Variants in PPM1H observed in about 807,000 individuals in gnomAD.
PPM1H encodes protein phosphatase 1H.
PPM1H carries 27 observed loss-of-function variants against 54.9 expected under a neutral mutation model. The observed-to-expected ratio is 0.49, with a 90% CI of 0.36 to 0.68. The LOEUF is 0.68. Among genes scored for constraint, PPM1H ranks in the 30% least tolerant of loss-of-function variants. PPM1H has a pLI of 0.00. For synonymous variants in PPM1H, 305 were observed against 270.8 expected (o/e 1.13, Z -1.24); for missense variants, 596 against 667.8 (o/e 0.89, Z 1.19).
intron 8 of PPM1H, among the ~76,000 whole-genome samples, chr12:62,687,647 G>A (rs975307018): frequency 6.6e-6 from 1 of 151,542 alleles, no homozygotes; most frequent in Admixed American, 6.6e-5. Context: ...ACCTGCTCTT[G>A]GGAAGTACAT....
intron 5 of PPM1H, among the ~76,000 whole-genome samples, chr12:62,722,065 T>C (rs1034455339): frequency 1.2e-4 from 19 of 152,032 alleles, no homozygotes; most frequent in African/African-American, 4.6e-4. Context: ...AGCACTAAAC[T>C]AAGCACGGCA....
At chr12:62,864,600 T>C (rs986637572) in intron 1 of PPM1H, among the ~76,000 whole-genome samples, 1 of 152,258 alleles carries the variant, frequency 6.6e-6, no homozygotes, top group Non-Finnish European at 1.5e-5. Flanking sequence ...TTTTTTAATA[T>C]TGAAATTCAT....
At chr12:62,740,272 C>T (rs1391130248) in intron 4 of PPM1H, among the ~76,000 whole-genome samples, 1 of 152,182 alleles carries the variant, frequency 6.6e-6, no homozygotes, top group Non-Finnish European at 1.5e-5. Flanking sequence ...GCTACTGTCA[C>T]CTGAGTCAAC....
intron 1 of PPM1H, among the ~76,000 whole-genome samples, chr12:62,841,547 G>A (rs1287849125): frequency 6.6e-6 from 1 of 152,126 alleles, no homozygotes; most frequent in Non-Finnish European, 1.5e-5. Context: ...TACAGAAAAC[G>A]TGTACTGACC....
At chr12:62,814,231 C>T (rs115608771) in intron 2 of PPM1H, among the ~76,000 whole-genome samples, 1 of 152,112 alleles carries the variant, frequency 6.6e-6, no homozygotes, top group African/African-American at 2.4e-5. Flanking sequence ...GAGTGCACCA[C>T]CACACCAGGC....
chr12:62,789,813 T>G (rs2076693427), intron 3 of PPM1H, among the ~76,000 whole-genome samples: 1 of 152,230 alleles, frequency 6.6e-6, no homozygotes, highest in Non-Finnish European at 1.5e-5. Flanking sequence ...GGAATTGATA[T>G]TAAAAATAGA....
In PPM1H at chr12:62,653,865, C is replaced by T. The variant is rs113280150; in HGVS notation, c.1398-5229G>A. ...CCCTCCCCCAGGAATGTCTGGCGAC[C>T]ATCAGGTGATAGTCAGGCCATTGTT... On this transcript the variant is annotated intron_variant, in intron 9 of 9. Coordinates refer to ENST00000228705, the MANE Select transcript of PPM1H (RefSeq NM_020700.2). 8.5e-5 allele frequency among the ~76,000 whole-genome samples: 13 copies of T among 152,152 alleles called. 1 individual carries two copies. The highest frequency in any genetic ancestry group is 2.4e-4 in the African/African-American group (10 of 41,488).
At chr12:62,755,614 T>C (rs2076468948) in intron 4 of PPM1H, 1 of 655,400 alleles carries the variant, frequency 1.5e-6, no homozygotes. Context: ...CACCCCCATG[T>C]CTGTGATGGG....
Position 62,768,307 on chromosome 12 carries a change from C to T in PPM1H, c.869+19919G>A, listed in dbSNP as rs75294130. 7.9e-5 allele frequency among the ~76,000 whole-genome samples: 12 copies of T among 152,172 alleles called. No individual in the cohort carries two copies. In the East Asian group the frequency reaches 2.3e-3, roughly 29 times the overall value. ...GGAGCACATTGGGACAGAATTGAGG[C>T]TATCATGAGGGGGAAATGCAGCCAG... On this transcript the variant is annotated intron_variant, in intron 4 of 9. Coordinates refer to ENST00000228705, the MANE Select transcript of PPM1H (RefSeq NM_020700.2).
At chr12:62,895,445 G>A (rs1870951937) in intron 1 of PPM1H, among the ~76,000 whole-genome samples, 1 of 152,278 alleles carries the variant, frequency 6.6e-6, no homozygotes, top group South Asian at 2.1e-4. Context: ...TCAATGTGTA[G>A]TGCTTAGACC....
At chr12:62,786,639 C>T (rs927616027) in intron 4 of PPM1H, among the ~76,000 whole-genome samples, 3 of 152,190 alleles carry the variant, frequency 2.0e-5, no homozygotes, top group Admixed American at 2.0e-4. Flanking sequence ...TGGTCAACTC[C>T]TTCCTGGGGA....
At chr12:62,820,155 G>T (rs561946815) in intron 2 of PPM1H, among the ~76,000 whole-genome samples, 10 of 152,368 alleles carry the variant, frequency 6.6e-5, no homozygotes, top group African/African-American at 2.4e-4. Flanking sequence ...CACTGCTAGC[G>T]CAGCAGTCTG....
chr12:62,701,683 T>TG, intron 6 of PPM1H, among the ~76,000 whole-genome samples: 1 of 151,376 alleles, frequency 6.6e-6, no homozygotes, highest in African/African-American at 2.4e-5. Context: ...TTTGTTTGTT[T>TG]TTTTTTTTTG....
chr12:62,839,666 A>G (rs1868649855), intron 1 of PPM1H, among the ~76,000 whole-genome samples: 2 of 150,968 alleles, frequency 1.3e-5, no homozygotes, highest in Admixed American at 1.3e-4. Context: ...TAAATCCAAA[A>G]AAAAAAAAAA....
chr12:62,761,600 C>T (rs2076509673), intron 4 of PPM1H, among the ~76,000 whole-genome samples: 1 of 152,052 alleles, frequency 6.6e-6, no homozygotes, highest in African/African-American at 2.4e-5. Context: ...GGAGATAGGC[C>T]TGTTTAGTGC....
intron 4 of PPM1H, among the ~76,000 whole-genome samples, chr12:62,769,517 C>T (rs867357193): frequency 1.8e-4 from 27 of 152,184 alleles, no homozygotes; most frequent in Admixed American, 6.5e-4. Flanking sequence ...ATTAAGTATC[C>T]ATTCCAGAAA....
rs1043635188 is a variant in PPM1H at position 62,647,783 on chromosome 12, G to A, written c.*706C>T. The A allele has an allele frequency of 3.9e-5, 6 of 152,486 alleles. No individual in the cohort carries two copies. Among genetic ancestry groups the A allele is most frequent in the Non-Finnish European group, 8.8e-5 (6 of 68,286 alleles). 9.4% of individuals were successfully genotyped at this position (152,486 alleles called of 1,614,324 possible). A position where few individuals can be genotyped will look rare whatever the true frequency, so the allele number is the denominator to read the frequency against. On this transcript the variant is annotated 3_prime_UTR_variant, in exon 10 of 10. Transcript: ENST00000228705. Reference sequence around the variant, plus strand: ...GCTGCCTGGGCTGTGTGGGCTGGAGGAGGTGGGGACAACCCAGCCTGGGTG... The same window carrying A: ...GCTGCCTGGGCTGTGTGGGCTGGAGAAGGTGGGGACAACCCAGCCTGGGTG...
chr12:62,831,504 T>C (rs562026879), intron 2 of PPM1H, among the ~76,000 whole-genome samples: 1 of 152,114 alleles, frequency 6.6e-6, no homozygotes, highest in South Asian at 2.1e-4. Context: ...TTTGGGCCAA[T>C]TGAAATAGAT....
At chr12:62,805,933 G>A (rs971694071) in intron 2 of PPM1H, among the ~76,000 whole-genome samples, 5 of 152,096 alleles carry the variant, frequency 3.3e-5, no homozygotes, top group Admixed American at 1.3e-4. Flanking sequence ...CAATGCACCC[G>A]TATATCAAAT....
Sources: allele counts gnomAD v4.1 joint callset (sites outside exome capture counted in the v4.1 genomes callset), GRCh38; gene constraint gnomAD v4.1.1; transcripts MANE v1.5; gene names NCBI Gene and HGNC (gene_info 2026-07-23, HGNC 2026-07-21).